UGT3A1: variants seen among roughly 807,000 people sequenced by gnomAD.
UGT3A1 encodes UDP-glycosyltransferase 3A1.
Under a neutral mutation model 37.6 loss-of-function variants are expected in UGT3A1, and 40 were observed. The ratio of observed to expected loss-of-function variants is 1.06; its 90% CI spans 0.83 to 1.38. UGT3A1 has a LOEUF of 1.38. Among genes scored for constraint, UGT3A1 ranks in the 40% most tolerant of loss-of-function variants. The pLI is 0.00. For synonymous variants in UGT3A1, 256 were observed against 232.3 expected (o/e 1.10, Z -0.93); for missense variants, 642 against 634.2 (o/e 1.01, Z -0.13).
chr5:35,989,102 A>C (rs1433208594), intron 1 of UGT3A1, among the ~76,000 whole-genome samples: 1 of 152,206 alleles, frequency 6.6e-6, no homozygotes, highest in African/African-American at 2.4e-5. Context: ...AGAAGCTACT[A>C]CTTAGAGCCC....
rs536021928 is a variant in UGT3A1, at chr5:36,000,592, C to T, written c.-160+376G>A. 2.0e-5 allele frequency among the ~76,000 whole-genome samples: 3 copies of T among 152,274 alleles called. No homozygotes were observed. The South Asian group carries it at 6.2e-4, about 32-fold the overall frequency. On this transcript the variant is annotated intron_variant, in intron 1 of 5. Coordinates refer to the UGT3A1 transcript ENST00000625798. ...TGTAACTCCCAACAAAGACCTTTAC[C>T]TCCAGTTTACTAAACATCAATCTTC... is the stretch of plus-strand genomic sequence containing the variant.
chr5:35,971,104 A>T (rs1166162647), intron 2 of UGT3A1, among the ~76,000 whole-genome samples: 1 of 152,190 alleles, frequency 6.6e-6, no homozygotes. Flanking sequence ...GAACCTCAAT[A>T]TCCTGGCCCA....
At chr5:35,991,607 C>T, upstream of UGT3A1, 1 of 1,021,764 alleles carries the variant, frequency 9.8e-7, no homozygotes, top group Non-Finnish European at 1.2e-6. Context: ...ATGAAGGCTC[C>T]ATCCCCAAGG....
At chr5:35,994,547 G>A (rs1388232020), upstream of UGT3A1, among the ~76,000 whole-genome samples, 1 of 152,082 alleles carries the variant, frequency 6.6e-6, no homozygotes, top group Non-Finnish European at 1.5e-5. Context: ...TCCCTAAGAT[G>A]TTCAGTGCCT....
In UGT3A1 at chr5:35,991,235, A is replaced by G; in HGVS notation, c.6T>C (p.Val2=). Residue 2 remains valine (V), a synonymous_variant, in exon 1 of 7, where the codon GTT becomes GTC. Coordinates refer to ENST00000274278, the MANE Select transcript of UGT3A1 (RefSeq NM_152404.4). ...CCACTAGAAGCAGCACCCGCTGCCC[A>G]ACCATGCTCACTTCCACAGAAGCAG... M[V]GQRVLLLVAF... 3 of 1,614,210 alleles carry G rather than the reference A, an allele frequency of 1.9e-6. No homozygotes were observed. Among genetic ancestry groups the G allele is most frequent in the Non-Finnish European group, 2.5e-6 (3 of 1,180,032 alleles).
upstream of UGT3A1, among the ~76,000 whole-genome samples, chr5:35,994,326 GTTT>G (rs760947338): frequency 3.7e-4 from 38 of 103,422 alleles, no homozygotes; most frequent in Admixed American, 9.1e-4. Flanking sequence ...GTTTTGTTTT[GTTT>G]TGTTTGTGTG....
chr5:35,981,340 A>G (rs1740514114), intron 2 of UGT3A1, among the ~76,000 whole-genome samples: 1 of 152,102 alleles, frequency 6.6e-6, no homozygotes. Context: ...GCCACAGAAG[A>G]GTGGCCCTTG....
In UGT3A1 at chr5:35,953,969, C is replaced by T. The variant is rs971664309; in HGVS notation, c.*233G>A. ...AAAAGGGAGAAAGGAGGAGGCAGGG[C>T]TGGCAGGTGAAAATTTGTATCTGAG... On this transcript the variant is annotated 3_prime_UTR_variant, in exon 7 of 7. Coordinates refer to ENST00000274278, the MANE Select transcript of UGT3A1 (RefSeq NM_152404.4). 5 of 501,716 alleles carry T rather than the reference C, an allele frequency of 1.0e-5. No homozygotes were observed. The highest frequency in any genetic ancestry group is 3.0e-5 in the South Asian group (1 of 33,236). 31.1% of individuals were successfully genotyped at this position (501,716 alleles called of 1,614,324 possible).
chr5:35,953,399 A>C lies in UGT3A1; in HGVS notation c.*803T>G, dbSNP rs1254719000. The C allele has an allele frequency of 6.6e-6, 1 of 152,310 alleles. No homozygotes were observed. Among genetic ancestry groups the C allele is most frequent in the Non-Finnish European group, 1.5e-5 (1 of 68,028 alleles). 9.4% of individuals were successfully genotyped at this position (152,310 alleles called of 1,614,324 possible). ...CTTCTGTTCCTAGCAGATTAAGGTA[A>C]TCTCTAAGGTTTTACCATATAGAAG... On this transcript the variant is annotated 3_prime_UTR_variant, in exon 7 of 7. Coordinates refer to ENST00000274278, the MANE Select transcript of UGT3A1 (RefSeq NM_152404.4).
chr5:35,994,928 G>A (rs1305608543), upstream of UGT3A1, among the ~76,000 whole-genome samples: 2 of 152,180 alleles, frequency 1.3e-5, no homozygotes, highest in African/African-American at 2.4e-5. Flanking sequence ...CAGATTCTAA[G>A]TTACAATGGC....
Position 35,951,377 on chromosome 5 carries a change from C to A in UGT3A1, c.*2825G>T, listed in dbSNP as rs1251156488. 1 of 151,974 alleles carries A rather than the reference C, an allele frequency of 6.6e-6. No individual in the cohort carries two copies. The highest frequency in any genetic ancestry group is 2.1e-4 in the South Asian group (1 of 4,826). The allele number at this position is 151,974 out of a possible 1,614,324, so 9.4% of individuals were successfully genotyped here. On this transcript the variant is annotated 3_prime_UTR_variant, in exon 7 of 7. Transcript: ENST00000274278. ...CATAGATATGTATTTTTTTCATTATCCCCCATACACATACTTTCCTTTTTC... is the reference window on the plus strand; with the variant it reads ...CATAGATATGTATTTTTTTCATTATACCCCATACACATACTTTCCTTTTTC...
At chr5:35,988,398 C>A in intron 2 of UGT3A1, 52 bp downstream of exon 2, 1 of 1,315,288 alleles carries the variant, frequency 7.6e-7, no homozygotes, top group Non-Finnish European at 1.0e-6. Context: ...AATATATTAT[C>A]ACTTTTTGCT....
chr5:35,974,981 G>T (rs750358367), intron 2 of UGT3A1, among the ~76,000 whole-genome samples: 7 of 152,218 alleles, frequency 4.6e-5, no homozygotes, highest in Non-Finnish European at 8.8e-5. Context: ...GTGGCAAGAA[G>T]TTCTGGGGAA....
chr5:35,999,136 C>T (rs1238310610), intron 1 of UGT3A1, among the ~76,000 whole-genome samples: 1 of 150,528 alleles, frequency 6.6e-6, no homozygotes, highest in Non-Finnish European at 1.5e-5. Flanking sequence ...ACTCGGGAGG[C>T]TGAGGCAGGA....
rs372918496 is a variant in UGT3A1, at chr5:35,954,255, G to A, written c.1519C>T (p.Leu507=). ...CGCAGCCACCTGGCCACCACACCCA[G>A]CAGCTTCCCACAAAGCCACATAGTG... The part of the protein sequence containing the change: ...LGTMWLCGKL[L]GVVARWLRGA... Residue 507 remains leucine, a synonymous_variant, in exon 7 of 7, where the codon CTG becomes TTG. Coordinates refer to ENST00000274278, the MANE Select transcript of UGT3A1 (RefSeq NM_152404.4). The A allele has an allele frequency of 1.2e-5, 19 of 1,614,008 alleles. No individual in the cohort carries two copies. Among genetic ancestry groups the A allele is most frequent in the Non-Finnish European group, 1.5e-5 (18 of 1,180,036 alleles).
At chr5:35,966,087 C>G (rs1739799550) in intron 3 of UGT3A1, among the ~76,000 whole-genome samples, 170 bp from the exon 4 acceptor site, 1 of 152,166 alleles carries the variant, frequency 6.6e-6, no homozygotes, top group Non-Finnish European at 1.5e-5. Flanking sequence ...CACTCTGGTC[C>G]AGATATTTCT....
Position 35,965,517 on chromosome 5 carries a change from A to G in UGT3A1, c.712T>C (p.Ser238Pro). ...AACTCTGCTTTCAGTAGAAGATGAG[A>G]CAAAACTGGCCTAGAGCCTTCTGGG... ...HFPEGSRPVL[S>P]HLLLKAELWF... The change falls in exon 4 of 7, where the codon TCT becomes CCT. Residue 238 changes from serine (S) to proline (P), a missense_variant. Coordinates refer to ENST00000274278, the MANE Select transcript of UGT3A1 (RefSeq NM_152404.4). The G allele has an allele frequency of 1.9e-6, 3 of 1,614,244 alleles. No individual in the cohort carries two copies. The South Asian group carries it at 3.3e-5, about 18-fold the overall frequency.
upstream of UGT3A1, among the ~76,000 whole-genome samples, chr5:35,996,167 G>A (rs1384698897): frequency 6.6e-6 from 1 of 152,046 alleles, no homozygotes; most frequent in East Asian, 1.9e-4. Flanking sequence ...TGTTACTACT[G>A]TAAAAGACGA....
In UGT3A1 at chr5:35,991,272, C is replaced by T. The variant is rs74671697; in HGVS notation, c.-32G>A. 2,800 of 1,613,700 alleles carry T rather than the reference C, an allele frequency of 1.7e-3. 26 individuals are homozygous for T. The African/African-American group carries it at 0.028, about 16-fold the overall frequency. ...TTCCACAGAAGCAGCGGATCTCAGC[C>T]TGGGCTGCGCGCCCTGCGCCGGGCT... On this transcript the variant is annotated 5_prime_UTR_variant, in exon 1 of 7. Coordinates refer to ENST00000274278, the MANE Select transcript of UGT3A1 (RefSeq NM_152404.4).
Sources: gnomAD v4.1 joint callset for allele counts (sites outside exome capture counted in the v4.1 genomes callset) on GRCh38, gnomAD v4.1.1 for gene constraint, MANE v1.5 for transcripts, NCBI Gene and HGNC (gene_info 2026-07-23, HGNC 2026-07-21) for gene names.